Variants in OSGIN1 observed in about 807,000 individuals in gnomAD.
OSGIN1 encodes the protein oxidative stress-induced growth inhibitor 1.
In OSGIN1, 19 loss-of-function variants were observed where a neutral mutation model predicts 20.1. The ratio of observed to expected loss-of-function variants is 0.95; its 90% CI spans 0.66 to 1.39. OSGIN1 has a LOEUF of 1.39. Among genes scored for constraint, OSGIN1 ranks in the 40% most tolerant of loss-of-function variants. OSGIN1 has a pLI of 0.00. For synonymous variants in OSGIN1, 368 were observed against 297.8 expected, an observed-to-expected ratio of 1.24 and a Z score of -2.43; for missense variants, 820 against 653.0, an observed-to-expected ratio of 1.26 and a Z score of -2.79.
chr16:83,966,192 C>T lies in OSGIN1; in HGVS notation c.*185C>T, dbSNP rs1252943790. On this transcript the variant is annotated 3_prime_UTR_variant, in exon 6 of 6. Transcript: ENST00000393306. ...CTTAGACCAGTGTCTGAGGTGGTAA[C>T]AGCGGCCGCAGGCCAGGGTTGGCCT... 6.8e-6 allele frequency: 4 copies of T among 589,736 alleles called. No homozygotes were observed. Among genetic ancestry groups the T allele is most frequent in the Non-Finnish European group, 1.2e-5 (4 of 340,608 alleles). 36.5% of individuals were successfully genotyped at this position (589,736 alleles called of 1,614,324 possible).
Position 83,965,822 on chromosome 16 carries a change from G to T in OSGIN1, c.1249G>T (p.Asp417Tyr). The change falls in exon 6 of 6, where the codon GAC becomes TAC. Residue 417 changes from aspartate (D) to tyrosine (Y), a missense_variant. Coordinates refer to ENST00000393306, the MANE Select transcript of OSGIN1 (RefSeq NM_182981.3). ...AGGGGCTGACTTTGCAGTGGATCCTGACCAGCCGCTGAGCGCCAAGAGGAA... is the reference window on the plus strand; with the variant it reads ...AGGGGCTGACTTTGCAGTGGATCCTTACCAGCCGCTGAGCGCCAAGAGGAA... ...GAGADFAVDP[D>Y]QPLSAKRNPI... The T allele has an allele frequency of 1.9e-6, 3 of 1,612,866 alleles. No homozygotes were observed. The highest frequency in any genetic ancestry group is 2.5e-6 in the Non-Finnish European group (3 of 1,179,988).
At chr16:83,960,390 T>C (rs929896802) in intron 3 of OSGIN1, among the ~76,000 whole-genome samples, 179 bp from the exon 4 acceptor site, 4 of 152,174 alleles carry the variant, frequency 2.6e-5, no homozygotes, top group African/African-American at 7.2e-5. Flanking sequence ...GCCCTTGGCC[T>C]CCTAGAAAGA....
At chr16:83,963,591 A>G (rs1047065255) in intron 5 of OSGIN1, among the ~76,000 whole-genome samples, 8 of 152,132 alleles carry the variant, frequency 5.3e-5, no homozygotes, top group African/African-American at 1.2e-4. Flanking sequence ...CTGTGTCACA[A>G]TCTTTACAAA....
At chr16:83,954,911 G>A (rs770511820) in intron 1 of OSGIN1, among the ~76,000 whole-genome samples, 3 of 152,238 alleles carry the variant, frequency 2.0e-5, no homozygotes, top group African/African-American at 4.8e-5. Flanking sequence ...CAGGGTGGGC[G>A]CACTGGGGCA....
chr16:83,953,632 C>A (rs4782572), intron 1 of OSGIN1, among the ~76,000 whole-genome samples: 87,450 of 152,188 alleles, frequency 0.57, 27,009 homozygotes, highest in East Asian at 0.78. Flanking sequence ...ACAGTCCCAG[C>A]GTACCCTGGG....
intron 5 of OSGIN1, among the ~76,000 whole-genome samples, chr16:83,961,678 C>T (rs1015561165): frequency 2.0e-5 from 3 of 152,122 alleles, no homozygotes; most frequent in African/African-American, 7.2e-5. Flanking sequence ...ACTTGTCCAC[C>T]CCACATGAGT....
rs772082626 is a variant in OSGIN1 at position 83,965,169 on chromosome 16, C to T, written c.596C>T (p.Thr199Ile). Residue 199 changes from threonine (T) to isoleucine (I), a missense_variant, in exon 6 of 6, where the codon ACA becomes ATA. Coordinates refer to ENST00000393306, the MANE Select transcript of OSGIN1 (RefSeq NM_182981.3). ...AACTTTGTGTCCGGTGCTGTAGTCA[C>T]AGCCGTGGAGTGGGGGACCCCCGAT... Reference protein sequence around the residue: ...GHNFVSGAVVTAVEWGTPDPS... With the variant: ...GHNFVSGAVVIAVEWGTPDPS... The T allele has an allele frequency of 8.1e-6, 13 of 1,613,438 alleles. No individual in the cohort carries two copies. The South Asian group carries it at 1.2e-4, about 15-fold the overall frequency.
intron 1 of OSGIN1, chr16:83,954,172 G>C (rs1159622858): frequency 6.6e-6 from 1 of 152,218 alleles, no homozygotes; most frequent in Non-Finnish European, 1.5e-5. Flanking sequence ...GCACAATGGG[G>C]ATAAGAACAC....
rs967305263 is a variant in OSGIN1, at chr16:83,953,349, C to A, written c.-54C>A. 1 of 1,288,948 alleles carries A rather than the reference C, an allele frequency of 7.8e-7. No individual in the cohort carries two copies. The highest frequency in any genetic ancestry group is 1.0e-6 in the Non-Finnish European group (1 of 988,580). 79.8% of individuals were successfully genotyped at this position (1,288,948 alleles called of 1,614,324 possible). A position where few individuals can be genotyped will look rare whatever the true frequency, so the allele number is the denominator to read the frequency against. On this transcript the variant is annotated 5_prime_UTR_variant, in exon 1 of 6. Transcript: ENST00000393306. The stretch of plus-strand genomic sequence containing the variant: ...GCACAACTTGGCCGGGCTCACTGGG[C>A]TCCTGCACCACTGCCTGTCAGGTGA...
intron 5 of OSGIN1, among the ~76,000 whole-genome samples, chr16:83,962,507 C>G (rs1365986054): frequency 6.6e-6 from 1 of 152,236 alleles, no homozygotes; most frequent in African/African-American, 2.4e-5. Flanking sequence ...TCCCAAAGTG[C>G]TGGGATTACA....
At chr16:83,964,937 C>G (rs868658837) in intron 5 of OSGIN1, 125 bp from the exon 6 acceptor site, 4 of 692,570 alleles carry the variant, frequency 5.8e-6, no homozygotes, top group Non-Finnish European at 1.0e-5. Context: ...ATTACCTGGC[C>G]TAGTCCTACA....
chr16:83,966,165 G>A lies in OSGIN1; in HGVS notation c.*158G>A. 1.6e-6 allele frequency: 1 copy of A among 634,786 alleles called. No individual in the cohort carries two copies. The highest frequency in any genetic ancestry group is 2.7e-6 in the Non-Finnish European group (1 of 373,630). 39.3% of individuals were successfully genotyped at this position (634,786 alleles called of 1,614,324 possible). On this transcript the variant is annotated 3_prime_UTR_variant, in exon 6 of 6. Coordinates refer to ENST00000393306, the MANE Select transcript of OSGIN1 (RefSeq NM_182981.3). ...GGAGTAGGGATCCCAGGCTGCCCTGGACTTAGACCAGTGTCTGAGGTGGTA... is the reference window on the plus strand; with the variant it reads ...GGAGTAGGGATCCCAGGCTGCCCTGAACTTAGACCAGTGTCTGAGGTGGTA...
Position 83,966,087 on chromosome 16 carries a change from A to G in OSGIN1, c.*80A>G, listed in dbSNP as rs1427290130. On this transcript the variant is annotated 3_prime_UTR_variant, in exon 6 of 6. Coordinates refer to ENST00000393306, the MANE Select transcript of OSGIN1 (RefSeq NM_182981.3). ...CCCTGCTGGATGCAGGACCCGTCCA[A>G]AGATGCCCCGGGGAGGGGTGTCAGC... 15 of 1,200,568 alleles carry G rather than the reference A, an allele frequency of 1.2e-5. No homozygotes were observed. The highest frequency in any genetic ancestry group is 7.7e-5 in the East Asian group (3 of 38,808). 74.4% of individuals were successfully genotyped at this position (1,200,568 alleles called of 1,614,324 possible). A position where few individuals can be genotyped will look rare whatever the true frequency, so the allele number is the denominator to read the frequency against.
chr16:83,958,910 C>A (rs2665298), intron 2 of OSGIN1, among the ~76,000 whole-genome samples: 2 of 152,276 alleles, frequency 1.3e-5, no homozygotes, highest in East Asian at 3.9e-4. Context: ...GGCTCGTCTA[C>A]CTTCCGGCCG....
rs1277961438 is a variant in OSGIN1, at chr16:83,957,647, G to A, written c.-25G>A. The A allele has an allele frequency of 1.3e-6, 2 of 1,579,096 alleles. No homozygotes were observed. The highest frequency in any genetic ancestry group is 3.3e-4 in the Middle Eastern group (2 of 6,008). ...CCCTCTCCCCCACTCCAGGTCCGCT[G>A]CCAGCCCCAAGCCCCCCACCAGCCA... On this transcript the variant is annotated 5_prime_UTR_variant, in exon 2 of 6. Transcript: ENST00000393306.
chr16:83,954,384 A>G (rs1908828925), intron 1 of OSGIN1: 1 of 152,218 alleles, frequency 6.6e-6, no homozygotes. Context: ...GCCTTTGTGA[A>G]ATTTGAAACA....
At chr16:83,960,917 C>A in intron 4 of OSGIN1, 64 bp from the exon 5 acceptor site, 1 of 1,549,228 alleles carries the variant, frequency 6.5e-7, no homozygotes. Context: ...GCCTCCCATG[C>A]CCTCTAGCCC....
chr16:83,957,567 G>A, intron 1 of OSGIN1, 73 bp from the exon 2 acceptor site: 1 of 785,124 alleles, frequency 1.3e-6, no homozygotes, highest in Admixed American at 2.0e-5. Flanking sequence ...ACCCTAGCTG[G>A]GAGGTGAAGT....
chr16:83,955,236 C>T (rs1908870037), intron 1 of OSGIN1, among the ~76,000 whole-genome samples: 1 of 152,126 alleles, frequency 6.6e-6, no homozygotes, highest in African/African-American at 2.4e-5. Flanking sequence ...ACTCTGAGAC[C>T]CGTAGTCCTG....
Sources: gnomAD v4.1 joint callset for allele counts (sites outside exome capture counted in the v4.1 genomes callset) on GRCh38, gnomAD v4.1.1 for gene constraint, MANE v1.5 for transcripts, NCBI Gene and HGNC (gene_info 2026-07-23, HGNC 2026-07-21) for gene names.